The following RIMS1 variants were observed in gnomAD, a reference collection of about 807,000 sequenced individuals.
RIMS1 encodes regulating synaptic membrane exocytosis 1.
RIMS1 carries 83 observed loss-of-function variants against 214.1 expected under a neutral mutation model. That is an observed-to-expected ratio of 0.39 (90% CI 0.32 to 0.47). The LOEUF is 0.47. Among genes scored for constraint, RIMS1 ranks in the 20% least tolerant of loss-of-function variants. The pLI is 0.99. For synonymous variants in RIMS1, 793 were observed against 786.8 expected, an observed-to-expected ratio of 1.01 and a Z score of -0.13; for missense variants, 2,050 against 2,161.8, an observed-to-expected ratio of 0.95 and a Z score of 1.03.
intron 31 of RIMS1, among the ~76,000 whole-genome samples, chr6:72,393,714 G>T (rs903150798): frequency 6.6e-6 from 1 of 151,682 alleles, no homozygotes; most frequent in East Asian, 1.9e-4. Flanking sequence ...GCGACAGAGC[G>T]AGACTCCGTC....
intron 4 of RIMS1, among the ~76,000 whole-genome samples, chr6:72,146,097 A>G (rs909626626): frequency 2.0e-5 from 3 of 152,238 alleles, no homozygotes; most frequent in African/African-American, 7.2e-5. Context: ...TCAGTCCTTT[A>G]TTAGTTTAGT....
chr6:72,283,904 T>G lies in RIMS1; in HGVS notation c.3483-143T>G, dbSNP rs1029861055. Reference sequence around the variant, plus strand: ...TTCATTCATTCATTCATTTATTTGTTTATTTAGTTTTGAAAAGTACTGACT... The same window carrying G: ...TTCATTCATTCATTCATTTATTTGTGTATTTAGTTTTGAAAAGTACTGACT... On this transcript the variant is annotated intron_variant, in intron 23 of 33. Transcript: ENST00000521978. The G allele has an allele frequency of 5.1e-6, 3 of 590,784 alleles. No individual in the cohort carries two copies. The South Asian group carries it at 6.2e-5, about 12-fold the overall frequency. 36.6% of individuals were successfully genotyped at this position (590,784 alleles called of 1,614,324 possible).
intron 9 of RIMS1, 123 bp from the exon 10 acceptor site, chr6:72,242,191 A>G (rs2154113309): frequency 4.1e-6 from 3 of 737,208 alleles, no homozygotes; most frequent in South Asian, 4.2e-5. Context: ...TGCTTTTGAA[A>G]GCAGAGCCTA....
At chr6:72,302,347 C>T (rs1446119429) in intron 26 of RIMS1, among the ~76,000 whole-genome samples, 1 of 151,486 alleles carries the variant, frequency 6.6e-6, no homozygotes, top group East Asian at 1.9e-4. Flanking sequence ...TCAAATAAAC[C>T]ATCTTTCTTG....
At chr6:72,065,153 G>A (rs2152272505) in intron 2 of RIMS1, among the ~76,000 whole-genome samples, 1 of 152,296 alleles carries the variant, frequency 6.6e-6, no homozygotes. Context: ...TTAACATGGA[G>A]CAAAAAGAGA....
intron 3 of RIMS1, among the ~76,000 whole-genome samples, chr6:72,098,759 T>C (rs2032704407): frequency 6.6e-6 from 1 of 152,232 alleles, no homozygotes; most frequent in Non-Finnish European, 1.5e-5. Flanking sequence ...TAGGTCTTTA[T>C]GATATGTATA....
In RIMS1 at chr6:72,290,776, A is replaced by G; in HGVS notation, c.3652A>G (p.Ser1218Gly). The change falls in exon 25 of 34, where the codon AGT (serine) becomes GGT (glycine). Residue 1218 changes from serine to glycine, a missense_variant. Transcript: ENST00000521978. ...RGKHPARSRS[S>G]EHSSIRTLCS... ...AAAACATCCTGCTCGCTCAAGGTCGAGTGAGCACTCTAGTATCAGAACACT... is the reference window on the plus strand; with the variant it reads ...AAAACATCCTGCTCGCTCAAGGTCGGGTGAGCACTCTAGTATCAGAACACT... 6.2e-7 allele frequency: 1 copy of G among 1,613,860 alleles called. No homozygotes were observed.
intron 2 of RIMS1, among the ~76,000 whole-genome samples, chr6:72,068,109 T>C (rs1829742425): frequency 6.6e-6 from 1 of 152,194 alleles, no homozygotes; most frequent in Admixed American, 6.5e-5. Context: ...CTCTTCTTTT[T>C]CATGCCTGGA....
At chr6:72,247,607 A>C (rs2070783094) in intron 11 of RIMS1, among the ~76,000 whole-genome samples, 1 of 151,624 alleles carries the variant, frequency 6.6e-6, no homozygotes, top group Non-Finnish European at 1.5e-5. Flanking sequence ...GTCTTGGCTT[A>C]GATGTGGCTT....
intron 2 of RIMS1, among the ~76,000 whole-genome samples, chr6:72,063,084 A>G (rs1828338938): frequency 6.6e-6 from 1 of 152,182 alleles, no homozygotes; most frequent in African/African-American, 2.4e-5. Flanking sequence ...CAGATATGAC[A>G]AGGAAGATGA....
intron 29 of RIMS1, among the ~76,000 whole-genome samples, chr6:72,348,248 A>G (rs989717442): frequency 6.6e-6 from 1 of 151,928 alleles, no homozygotes; most frequent in Non-Finnish European, 1.5e-5. Context: ...CCGCTTATAC[A>G]CAAATTTTTT....
At chr6:72,289,873 A>G (rs2093057494) in intron 24 of RIMS1, among the ~76,000 whole-genome samples, 1 of 152,146 alleles carries the variant, frequency 6.6e-6, no homozygotes, top group Admixed American at 6.5e-5. Flanking sequence ...AATAAATACC[A>G]AAATCAATGA....
At chr6:72,226,272 T>C (rs1269660627) in intron 6 of RIMS1, among the ~76,000 whole-genome samples, 2 of 152,232 alleles carry the variant, frequency 1.3e-5, no homozygotes, top group East Asian at 3.9e-4. Flanking sequence ...GTTTTGGGAA[T>C]GTTTCTGGAC....
chr6:72,213,026 T>A, intron 6 of RIMS1: 7 of 1,515,602 alleles, frequency 4.6e-6, no homozygotes, highest in Non-Finnish European at 6.2e-6. Flanking sequence ...AAGGAGGCGC[T>A]TCACACTCTT....
intron 4 of RIMS1, among the ~76,000 whole-genome samples, chr6:72,164,436 C>T (rs1251491179): frequency 2.0e-5 from 3 of 152,122 alleles, no homozygotes; most frequent in East Asian, 1.9e-4. Context: ...GAGATGAACC[C>T]GGTACCTCAA....
At chr6:71,953,991 A>G (rs150895227) in intron 1 of RIMS1, among the ~76,000 whole-genome samples, 41 of 152,306 alleles carry the variant, frequency 2.7e-4, no homozygotes, top group African/African-American at 9.6e-4. Flanking sequence ...AGTGATGGAC[A>G]ACTTCCACTT....
intron 2 of RIMS1, among the ~76,000 whole-genome samples, chr6:72,017,689 G>A (rs771849385): frequency 2.0e-5 from 3 of 152,152 alleles, no homozygotes; most frequent in Non-Finnish European, 4.4e-5. Context: ...ATAAATAGAT[G>A]CAGTTTAATT....
chr6:72,317,812 C>CG (rs2095889307), intron 28 of RIMS1, among the ~76,000 whole-genome samples: 1 of 152,042 alleles, frequency 6.6e-6, no homozygotes, highest in Non-Finnish European at 1.5e-5. Flanking sequence ...TTTGCCTATT[C>CG]GATTTGGTAT....
intron 1 of RIMS1, among the ~76,000 whole-genome samples, chr6:71,917,592 A>G (rs1778802221): frequency 6.6e-6 from 1 of 152,190 alleles, no homozygotes; most frequent in African/African-American, 2.4e-5. Context: ...CAAAATTTTC[A>G]GCAAGGAATT....
Sources: allele counts gnomAD v4.1 joint callset (sites outside exome capture counted in the v4.1 genomes callset), GRCh38; gene constraint gnomAD v4.1.1; transcripts MANE v1.5; gene names NCBI Gene and HGNC (gene_info 2026-07-23, HGNC 2026-07-21).